Variants in DLG2 observed in about 807,000 individuals in gnomAD.
DLG2 encodes disks large homolog 2.
In DLG2, 45 loss-of-function variants were observed where a neutral mutation model predicts 132.5. That is an observed-to-expected ratio of 0.34 (90% confidence interval 0.27 to 0.44). The LOEUF (loss-of-function observed/expected upper bound fraction) is 0.44. Among genes scored for constraint, DLG2 ranks in the 20% least tolerant of loss-of-function variants. The pLI is 1.00. For synonymous variants in DLG2, 424 were observed against 419.6 expected (o/e 1.01, Z -0.13); for missense variants, 1,045 against 1,196.9 (o/e 0.87, Z 1.87).
chr11:84,201,596 A>G (rs1180788063), intron 8 of DLG2, among the ~76,000 whole-genome samples: 1 of 82,008 alleles, frequency 1.2e-5, no homozygotes, highest in South Asian at 3.7e-4. Context: ...TTTTTTTTTT[A>G]TTGGTAGGCT....
intron 3 of DLG2, among the ~76,000 whole-genome samples, chr11:85,556,418 T>C (rs778334342): frequency 6.6e-6 from 1 of 151,890 alleles, no homozygotes; most frequent in Non-Finnish European, 1.5e-5. Flanking sequence ...ATTTATAACT[T>C]TCCTTGGACA....
chr11:83,552,250 T>C (rs1049736976), intron 19 of DLG2, among the ~76,000 whole-genome samples: 3 of 152,168 alleles, frequency 2.0e-5, no homozygotes, highest in Admixed American at 6.5e-5. Context: ...ATGGTGACAG[T>C]GAAGGCTGCA....
intron 6 of DLG2, among the ~76,000 whole-genome samples, chr11:84,538,263 TG>T (rs1247699402): frequency 1.3e-5 from 2 of 152,152 alleles, no homozygotes; most frequent in Admixed American, 1.3e-4. Context: ...AAGAGACATG[TG>T]GTAAGAGGGG....
At chr11:85,507,365 T>C (rs1266376770) in intron 3 of DLG2, among the ~76,000 whole-genome samples, 10 of 152,292 alleles carry the variant, frequency 6.6e-5, no homozygotes, top group South Asian at 4.1e-4. Context: ...TTGCTTTCCA[T>C]TTTTAGTGCC....
rs2098994436 is a variant in DLG2 at position 84,434,426 on chromosome 11, TAG to T, written c.519+100142_519+100143del. On this transcript the variant is annotated intron_variant, in intron 7 of 27. Transcript: ENST00000376104. Reference sequence around the variant, plus strand: ...ATGATGAGTGGAAGGAAGAAGGCGCTAGAGACACAAGGAGTCAGTTTTGGAAT... The same window carrying T: ...ATGATGAGTGGAAGGAAGAAGGCGCTAGACACAAGGAGTCAGTTTTGGAAT... 2.0e-5 allele frequency among the ~76,000 whole-genome samples: 3 copies of T among 152,086 alleles called. 1 individual carries two copies. The South Asian group carries it at 6.2e-4, about 32-fold the overall frequency.
intron 7 of DLG2, among the ~76,000 whole-genome samples, chr11:84,374,886 C>T (rs985629446): frequency 2.0e-5 from 3 of 152,132 alleles, no homozygotes; most frequent in Admixed American, 6.6e-5. Context: ...CTACTGTCCT[C>T]TCTCATGCAC....
chr11:84,385,212 A>G (rs1405418086), intron 7 of DLG2, among the ~76,000 whole-genome samples: 2 of 152,070 alleles, frequency 1.3e-5, no homozygotes, highest in African/African-American at 4.8e-5. Context: ...CATCTAAAGC[A>G]GTAAAATTTT....
chr11:84,398,949 A>C (rs2154445664), intron 7 of DLG2, among the ~76,000 whole-genome samples: 1 of 152,306 alleles, frequency 6.6e-6, no homozygotes, highest in Admixed American at 6.5e-5. Flanking sequence ...CTGTGAATTC[A>C]TTTTCAGAAC....
At chr11:84,497,477 C>A (rs1454347488) in intron 7 of DLG2, among the ~76,000 whole-genome samples, 1 of 151,926 alleles carries the variant, frequency 6.6e-6, no homozygotes, top group Non-Finnish European at 1.5e-5. Flanking sequence ...GAAAGACAAT[C>A]TTTTTTCTAA....
At chr11:83,986,888 C>T (rs1346733644) in intron 11 of DLG2, among the ~76,000 whole-genome samples, 2 of 152,108 alleles carry the variant, frequency 1.3e-5, no homozygotes, top group African/African-American at 2.4e-5. Flanking sequence ...ATGTCCTTTG[C>T]CCACTTTTTG....
At chr11:85,057,040 A>G (rs932595946) in intron 6 of DLG2, among the ~76,000 whole-genome samples, 1 of 151,828 alleles carries the variant, frequency 6.6e-6, no homozygotes, top group Non-Finnish European at 1.5e-5. Context: ...ATATATGGGT[A>G]AGTCTAAGTG....
At chr11:84,085,589 C>T (rs1480838611) in intron 10 of DLG2, among the ~76,000 whole-genome samples, 1 of 152,180 alleles carries the variant, frequency 6.6e-6, no homozygotes, top group Non-Finnish European at 1.5e-5. Context: ...CCCCAAGATC[C>T]TGTATAGGAC....
At chr11:84,656,494 G>C (rs1427004544) in intron 6 of DLG2, among the ~76,000 whole-genome samples, 3 of 152,122 alleles carry the variant, frequency 2.0e-5, no homozygotes, top group African/African-American at 4.8e-5. Context: ...AGAAATATAA[G>C]TTAAATATAG....
At chr11:83,873,400 G>T (rs1052883068) in intron 16 of DLG2, among the ~76,000 whole-genome samples, 1 of 152,018 alleles carries the variant, frequency 6.6e-6, no homozygotes, top group Non-Finnish European at 1.5e-5. Flanking sequence ...TGAATCATGG[G>T]GCAGCTTCTC....
At chr11:84,297,978 A>G (rs2098112963) in intron 7 of DLG2, among the ~76,000 whole-genome samples, 1 of 152,084 alleles carries the variant, frequency 6.6e-6, no homozygotes, top group African/African-American at 2.4e-5. Context: ...CTCCTCATTA[A>G]TACTTTCCTT....
chr11:85,183,862 GA>G (rs1266018620), intron 4 of DLG2, among the ~76,000 whole-genome samples: 1 of 151,530 alleles, frequency 6.6e-6, no homozygotes, highest in Non-Finnish European at 1.5e-5. Flanking sequence ...TCAATGGAAG[GA>G]AAAAATAAAA....
chr11:83,985,712 A>G (rs144329807), intron 11 of DLG2, among the ~76,000 whole-genome samples: 1,979 of 152,272 alleles, frequency 0.013, 20 homozygotes, highest in Non-Finnish European at 0.021. Context: ...GCTACATAGT[A>G]TTCCATGGTG....
At chr11:83,526,346 A>G (rs906176316) in intron 21 of DLG2, among the ~76,000 whole-genome samples, 1 of 152,088 alleles carries the variant, frequency 6.6e-6, no homozygotes, top group Non-Finnish European at 1.5e-5. Context: ...AACATTTCCT[A>G]TTGCCAGTCT....
chr11:84,780,956 G>A (rs992664278), intron 6 of DLG2, among the ~76,000 whole-genome samples: 10 of 135,102 alleles, frequency 7.4e-5, no homozygotes. Flanking sequence ...AAAGGATAGA[G>A]TCAAGCTATG....
Sources: gnomAD v4.1 joint callset for allele counts (sites outside exome capture counted in the v4.1 genomes callset) on GRCh38, gnomAD v4.1.1 for gene constraint, MANE v1.5 for transcripts, NCBI Gene and HGNC (gene_info 2026-07-23, HGNC 2026-07-21) for gene names.